The following PAPSS2 variants were observed in gnomAD, a reference collection of about 807,000 sequenced individuals.
The protein encoded by PAPSS2 is 3'-phosphoadenosine 5'-phosphosulfate synthase 2, also known as bifunctional 3'-phosphoadenosine 5'-phosphosulfate synthase 2.
PAPSS2 carries 61 observed loss-of-function variants against 66.5 expected under a neutral mutation model. That is an observed-to-expected ratio of 0.92 (90% CI 0.75 to 1.14). PAPSS2 has a LOEUF of 1.14. Among genes scored for constraint, PAPSS2 ranks in the 50% most tolerant of loss-of-function variants. The pLI, the probability that PAPSS2 is intolerant of heterozygous loss-of-function variation, is 0.00. For synonymous variants in PAPSS2, 289 were observed against 287.5 expected, an observed-to-expected ratio of 1.01 and a Z score of -0.05; for missense variants, 708 against 789.6, an observed-to-expected ratio of 0.90 and a Z score of 1.24.
intron 9 of PAPSS2, among the ~76,000 whole-genome samples, chr10:87,727,869 T>TATCTTTATG (rs749636986): frequency 6.6e-5 from 10 of 151,880 alleles, no homozygotes; most frequent in Middle Eastern, 3.4e-3. Flanking sequence ...GCAAGGAACA[T>TATCTTTATG]AAGTATCTTC....
chr10:87,737,028 T>C (rs1853809231), intron 9 of PAPSS2, among the ~76,000 whole-genome samples: 1 of 152,134 alleles, frequency 6.6e-6, no homozygotes, highest in Non-Finnish European at 1.5e-5. Flanking sequence ...GGTTGGGAGA[T>C]GAAGCTCTCC....
At chr10:87,713,037 C>A in intron 2 of PAPSS2, 38 bp from the exon 3 acceptor site, 2 of 1,119,950 alleles carry the variant, frequency 1.8e-6, no homozygotes, top group African/African-American at 1.5e-5. Flanking sequence ...CTTAAACTAT[C>A]CAGGCCGATG....
chr10:87,666,793 A>C (rs879641657), intron 1 of PAPSS2, among the ~76,000 whole-genome samples: 4 of 152,090 alleles, frequency 2.6e-5, no homozygotes, highest in African/African-American at 9.7e-5. Flanking sequence ...ACATGTCCCC[A>C]CTACTCCCAG....
At chr10:87,688,148 AT>A (rs1853111899) in intron 1 of PAPSS2, among the ~76,000 whole-genome samples, 2 of 152,114 alleles carry the variant, frequency 1.3e-5, no homozygotes, top group African/African-American at 4.8e-5. Flanking sequence ...TTTATAATTC[AT>A]TAAAATACAT....
rs189386326 is a variant in PAPSS2 at position 87,669,080 on chromosome 10, C to T, written c.27+9072C>T. Among the ~76,000 whole-genome samples, 4 of 152,300 alleles carry T rather than the reference C, an allele frequency of 2.6e-5. No homozygotes were observed. The East Asian group carries it at 7.7e-4, about 29-fold the overall frequency. ...AAAAAGCAGTATTTGAAAGATGTAA[C>T]TTGACCGTTTTGAAATATTTTTGAT... is the stretch of plus-strand genomic sequence containing the variant. On this transcript the variant is annotated intron_variant, in intron 1 of 12. Transcript: ENST00000456849.
chr10:87,660,780 T>G lies in PAPSS2; in HGVS notation c.27+772T>G, dbSNP rs1852740262. The stretch of plus-strand genomic sequence containing the variant: ...TTCTTAAAAATGGCAGCAGTTCTAT[T>G]TGTCAATTATACCCCAATAAACTGA... On this transcript the variant is annotated intron_variant, in intron 1 of 12. Transcript: ENST00000456849. 4.1e-5 allele frequency among the ~76,000 whole-genome samples: 6 copies of G among 148,000 alleles called. No homozygotes were observed. The South Asian group carries it at 1.3e-3, about 32-fold the overall frequency.
At chr10:87,700,487 A>G (rs1007955934) in intron 1 of PAPSS2, among the ~76,000 whole-genome samples, 1 of 152,056 alleles carries the variant, frequency 6.6e-6, no homozygotes, top group South Asian at 2.1e-4. Flanking sequence ...CAGTTGCTCT[A>G]CATTACAAAA....
chr10:87,698,213 A>C (rs2131919725), intron 1 of PAPSS2, among the ~76,000 whole-genome samples: 1 of 152,272 alleles, frequency 6.6e-6, no homozygotes, highest in Middle Eastern at 3.4e-3. Context: ...AAGTCAAATC[A>C]ACTTGGTTGT....
Position 87,719,013 on chromosome 10 carries a change from C to T in PAPSS2, c.866-2743C>T, listed in dbSNP as rs551981895. Among the ~76,000 whole-genome samples the T allele has an allele frequency of 2.0e-5, 3 of 152,284 alleles. No individual in the cohort carries two copies. In the South Asian group the frequency reaches 6.2e-4, roughly 32 times the overall value. On this transcript the variant is annotated intron_variant, in intron 7 of 12. Coordinates refer to ENST00000456849, the MANE Select transcript of PAPSS2 (RefSeq NM_001015880.2). ...CCCTGTGGGAATTATCTGCTGGTTCCACCATCTACCTCTGCAAACAGAGTC... is the reference window on the plus strand; with the variant it reads ...CCCTGTGGGAATTATCTGCTGGTTCTACCATCTACCTCTGCAAACAGAGTC...
intron 1 of PAPSS2, among the ~76,000 whole-genome samples, chr10:87,706,648 A>G (rs1337821933): frequency 2.0e-5 from 3 of 151,852 alleles, no homozygotes; most frequent in Non-Finnish European, 4.4e-5. Context: ...AGTCCCAGCT[A>G]CTTCTAGGGC....
chr10:87,730,281 G>C (rs933946697), intron 9 of PAPSS2, among the ~76,000 whole-genome samples: 1 of 152,148 alleles, frequency 6.6e-6, no homozygotes, highest in East Asian at 1.9e-4. Context: ...TACCCCGATG[G>C]GGTAGAGAAG....
At chr10:87,662,113 G>A (rs1247361747) in intron 1 of PAPSS2, among the ~76,000 whole-genome samples, 1 of 152,178 alleles carries the variant, frequency 6.6e-6, no homozygotes, top group Non-Finnish European at 1.5e-5. Flanking sequence ...GTGAGACTGA[G>A]CTGATCTTTT....
chr10:87,712,823 A>G (rs1341312809), intron 2 of PAPSS2, among the ~76,000 whole-genome samples: 1 of 152,160 alleles, frequency 6.6e-6, no homozygotes, highest in African/African-American at 2.4e-5. Flanking sequence ...CGAGGACCAC[A>G]TGTAGCCCCC....
At position 87,743,489 on chromosome 10, in the gene PAPSS2, C is replaced by A; in HGVS notation, c.1339C>A (p.His447Asn). 1 of 1,614,182 alleles carries A rather than the reference C, an allele frequency of 6.2e-7. No homozygotes were observed. The change falls in exon 11 of 13, where the codon CAC (histidine) becomes AAC (asparagine). Residue 447 changes from histidine (H) to asparagine (N), a missense_variant. His to Asn is a moderately conservative substitution (Grantham distance 68, BLOSUM62 1). Coordinates refer to ENST00000456849, the MANE Select transcript of PAPSS2 (RefSeq NM_001015880.2). ...RGYKHPVLLL[H>N]PLGGWTKDDD... is the part of the protein sequence containing the mutation. The stretch of plus-strand genomic sequence containing the variant: ...CTACAAGCACCCGGTCCTCCTACTA[C>A]ACCCTCTGGGCGGCTGGACCAAGGA...
intron 7 of PAPSS2, among the ~76,000 whole-genome samples, chr10:87,716,984 C>T (rs1853540045): frequency 1.3e-5 from 2 of 152,170 alleles, no homozygotes; most frequent in Non-Finnish European, 2.9e-5. Flanking sequence ...GATGAGGAAA[C>T]TGCCTCAGAT....
At chr10:87,673,641 C>T (rs988632684) in intron 1 of PAPSS2, among the ~76,000 whole-genome samples, 4 of 149,766 alleles carry the variant, frequency 2.7e-5, no homozygotes, top group Non-Finnish European at 4.4e-5. Context: ...TCCAGGTTTT[C>T]CCCCTCAAGA....
intron 1 of PAPSS2, among the ~76,000 whole-genome samples, chr10:87,666,690 A>T (rs1165693149): frequency 6.6e-6 from 1 of 151,420 alleles, no homozygotes; most frequent in Non-Finnish European, 1.5e-5. Context: ...TACTTCTTTC[A>T]TGCTCTCCTG....
At chr10:87,699,854 T>C (rs921081091) in intron 1 of PAPSS2, among the ~76,000 whole-genome samples, 1 of 151,202 alleles carries the variant, frequency 6.6e-6, no homozygotes, top group African/African-American at 2.4e-5. Flanking sequence ...GGCCTCTCCA[T>C]TTTCTGGTTG....
intron 9 of PAPSS2, among the ~76,000 whole-genome samples, chr10:87,735,340 A>G (rs1390067449): frequency 6.6e-6 from 1 of 152,130 alleles, no homozygotes; most frequent in Non-Finnish European, 1.5e-5. Flanking sequence ...TCTCTCTTCA[A>G]ACAGACAGGT....
Sources: gnomAD v4.1 joint callset for allele counts (sites outside exome capture counted in the v4.1 genomes callset) on GRCh38, gnomAD v4.1.1 for gene constraint, MANE v1.5 for transcripts, NCBI Gene and HGNC (gene_info 2026-07-23, HGNC 2026-07-21) for gene names.